WWC2: variants seen among roughly 807,000 people sequenced by gnomAD.
WWC2 encodes protein WWC2.
WWC2 carries 101 observed loss-of-function variants against 138.5 expected under a neutral mutation model. The ratio of observed to expected loss-of-function variants is 0.73; its 90% CI spans 0.62 to 0.86. WWC2 has a LOEUF of 0.86. Among genes scored for constraint, WWC2 ranks in the 40% least tolerant of loss-of-function variants. WWC2 has a pLI of 0.00. For synonymous variants in WWC2, 558 were observed against 538.4 expected (o/e 1.04, Z -0.50); for missense variants, 1,420 against 1,419.4 (o/e 1.00, Z -0.01).
intron 1 of WWC2, among the ~76,000 whole-genome samples, chr4:183,145,651 C>T (rs1308364483): frequency 6.6e-6 from 1 of 152,172 alleles, no homozygotes; most frequent in Non-Finnish European, 1.5e-5. Context: ...GGAAGAAGAA[C>T]TGTTTTCCCC....
At chr4:183,289,790 T>C (rs989086229) in intron 21 of WWC2, among the ~76,000 whole-genome samples, 155 bp downstream of exon 21, 10 of 141,926 alleles carry the variant, frequency 7.0e-5, no homozygotes, top group Admixed American at 3.5e-4. Context: ...TTATAGGCCC[T>C]TTTTTTTTTT....
intron 9 of WWC2, among the ~76,000 whole-genome samples, chr4:183,255,876 C>CTTTTTTTTT (rs1737118633): frequency 7.2e-6 from 1 of 139,004 alleles, no homozygotes; most frequent in East Asian, 2.0e-4. Context: ...GGCTTTTTTT[C>CTTTTTTTTT]CTTTTTTTTT....
At chr4:183,198,789 T>TA (rs56182831) in intron 2 of WWC2, among the ~76,000 whole-genome samples, 1,776 of 72,340 alleles carry the variant, frequency 0.025, 270 homozygotes, top group African/African-American at 0.091. Flanking sequence ...CTCGTCTCTT[T>TA]AAAAAAAAAA....
At position 183,259,691 on chromosome 4, in the gene WWC2, A is replaced by G. The variant is rs1267171624; in HGVS notation, c.1249A>G (p.Thr417Ala). The G allele has an allele frequency of 1.9e-6, 3 of 1,547,576 alleles. No homozygotes were observed. Among genetic ancestry groups the G allele is most frequent in the Non-Finnish European group, 2.6e-6 (3 of 1,146,000 alleles). ...GCTGCTACAGAAACTTGAAGAAACTACTAAATTAACTACTTATTTGCATTC... is the reference window on the plus strand; with the variant it reads ...GCTGCTACAGAAACTTGAAGAAACTGCTAAATTAACTACTTATTTGCATTC... ...KELLQKLEET[T>A]KLTTYLHSQL... Residue 417 changes from threonine (T) to alanine (A), a missense_variant, in exon 10 of 23, where the codon ACT becomes GCT. By Grantham distance (58) the Thr-to-Ala change is moderately conservative. Coordinates refer to ENST00000403733, the MANE Select transcript of WWC2 (RefSeq NM_024949.6).
intron 16 of WWC2, among the ~76,000 whole-genome samples, chr4:183,273,670 TAAATA>T (rs1218193251): frequency 3.3e-5 from 5 of 152,240 alleles, no homozygotes; most frequent in African/African-American, 1.2e-4. Flanking sequence ...CCTTATCAGA[TAAATA>T]ATTTGCAGAT....
At chr4:183,213,643 T>G (rs1735670760) in intron 4 of WWC2, among the ~76,000 whole-genome samples, 1 of 152,232 alleles carries the variant, frequency 6.6e-6, no homozygotes, top group Non-Finnish European at 1.5e-5. Flanking sequence ...TGGGCTTGTT[T>G]CCTCTTTGGT....
At chr4:183,263,491 TA>T in intron 11 of WWC2, among the ~76,000 whole-genome samples, 1 of 152,374 alleles carries the variant, frequency 6.6e-6, no homozygotes, top group Non-Finnish European at 1.5e-5. Context: ...TTTAACTTTT[TA>T]AATGCATATA....
rs1343530031 is a variant in WWC2, at chr4:183,319,963, G to A, written c.*4234G>A. ...CCCAGAAATCCCAGCCCATTTGACAGAAACATTAAGATCCTGGAGACCCTG... is the reference window on the plus strand; with the variant it reads ...CCCAGAAATCCCAGCCCATTTGACAAAAACATTAAGATCCTGGAGACCCTG... On this transcript the variant is annotated 3_prime_UTR_variant, in exon 23 of 23. Coordinates refer to ENST00000403733, the MANE Select transcript of WWC2 (RefSeq NM_024949.6). 1.9e-6 allele frequency: 3 copies of A among 1,613,500 alleles called. No individual in the cohort carries two copies. The highest frequency in any genetic ancestry group is 1.1e-5 in the South Asian group (1 of 91,064).
chr4:183,188,468 C>G (rs757387065), intron 1 of WWC2, among the ~76,000 whole-genome samples: 2 of 151,912 alleles, frequency 1.3e-5, no homozygotes, highest in Non-Finnish European at 2.9e-5. Context: ...GAACTCCTGA[C>G]CTTAAGTGAT....
At chr4:183,116,778 T>G (rs945009508) in intron 1 of WWC2, among the ~76,000 whole-genome samples, 6 of 152,246 alleles carry the variant, frequency 3.9e-5, no homozygotes, top group Non-Finnish European at 8.8e-5. Context: ...AACTATTACT[T>G]TTTCAGAATT....
intron 9 of WWC2, among the ~76,000 whole-genome samples, chr4:183,254,974 GGA>G (rs1218500418): frequency 2.6e-5 from 4 of 152,210 alleles, no homozygotes; most frequent in Non-Finnish European, 5.9e-5. Context: ...GCAGGGGGAG[GGA>G]GAGAGGAAGA....
intron 1 of WWC2, among the ~76,000 whole-genome samples, chr4:183,143,851 G>C (rs1171079704): frequency 1.3e-5 from 2 of 151,998 alleles, no homozygotes; most frequent in Non-Finnish European, 2.9e-5. Flanking sequence ...ACATTTTAAG[G>C]CAAGAATTAT....
At chr4:183,294,551 A>G (rs1213028964) in intron 21 of WWC2, among the ~76,000 whole-genome samples, 1 of 152,154 alleles carries the variant, frequency 6.6e-6, no homozygotes, top group Non-Finnish European at 1.5e-5. Context: ...TGAAGTTTCT[A>G]AAGTGTTCTC....
intron 1 of WWC2, among the ~76,000 whole-genome samples, chr4:183,154,892 C>T (rs975049535): frequency 7.2e-5 from 11 of 152,258 alleles, no homozygotes; most frequent in Non-Finnish European, 1.0e-4. Context: ...TCTCTCAGAC[C>T]GCAGATAACA....
intron 8 of WWC2, among the ~76,000 whole-genome samples, chr4:183,253,141 A>G (rs1560868104): frequency 6.6e-6 from 1 of 151,956 alleles, no homozygotes; most frequent in Non-Finnish European, 1.5e-5. Flanking sequence ...TGTCCTCCCA[A>G]AGTGTCAGAT....
At chr4:183,217,511 A>G (rs1410302552) in intron 4 of WWC2, among the ~76,000 whole-genome samples, 1 of 152,208 alleles carries the variant, frequency 6.6e-6, no homozygotes, top group African/African-American at 2.4e-5. Context: ...TAATTAGCAG[A>G]CAAACATGTT....
At position 183,099,502 on chromosome 4, in the gene WWC2, G is replaced by A; in HGVS notation, c.11G>A (p.Arg4Lys). 2.2e-6 allele frequency: 3 copies of A among 1,371,026 alleles called. No individual in the cohort carries two copies. The highest frequency in any genetic ancestry group is 2.9e-6 in the Non-Finnish European group (3 of 1,046,232). The allele number at this position is 1,371,026 out of a possible 1,614,324, so 84.9% of individuals were successfully genotyped here. A position where few individuals can be genotyped will look rare whatever the true frequency, so the allele number is the denominator to read the frequency against. MPR[R>K]AGSGQLPLPR... ...GCGAGGCCGCCGACCATGCCTAGGA[G>A]GGCCGGGAGCGGTCAGCTGCCGCTG... Residue 4 changes from arginine (R) to lysine (K), a missense_variant, in exon 1 of 23, where the codon AGG becomes AAG. Transcript: ENST00000403733.
At position 183,182,805 on chromosome 4, in the gene WWC2, A is replaced by C. The variant is rs557810160; in HGVS notation, c.132-10794A>C. 5.3e-5 allele frequency among the ~76,000 whole-genome samples: 8 copies of C among 152,380 alleles called. No individual in the cohort carries two copies. In the South Asian group the frequency reaches 1.7e-3, roughly 32 times the overall value. On this transcript the variant is annotated intron_variant, in intron 1 of 22. Coordinates refer to ENST00000403733, the MANE Select transcript of WWC2 (RefSeq NM_024949.6). ...CCATAGTCAGGAAACATATGTATCA[A>C]CTAACACCTTAATACCAGCCTTCAT...
intron 1 of WWC2, among the ~76,000 whole-genome samples, chr4:183,140,472 G>T (rs1296578966): frequency 6.6e-6 from 1 of 152,180 alleles, no homozygotes; most frequent in Non-Finnish European, 1.5e-5. Context: ...TGAGACCACT[G>T]CTTCAAGGGG....
Sources: gnomAD v4.1 joint callset for allele counts (sites outside exome capture counted in the v4.1 genomes callset) on GRCh38, gnomAD v4.1.1 for gene constraint, MANE v1.5 for transcripts, NCBI Gene and HGNC (gene_info 2026-07-23, HGNC 2026-07-21) for gene names.